Variants in ADAMTS15 observed in about 807,000 individuals in gnomAD.
The protein encoded by ADAMTS15 is ADAM metallopeptidase with thrombospondin type 1 motif 15, also known as A disintegrin and metalloproteinase with thrombospondin motifs 15.
In ADAMTS15, 35 loss-of-function variants were observed where a neutral mutation model predicts 79.1. The ratio of observed to expected loss-of-function variants is 0.44; its 90% CI spans 0.34 to 0.59. ADAMTS15 has a LOEUF of 0.59. Ranked by LOEUF, ADAMTS15 falls within the 20% of genes least tolerant of loss-of-function variation. The pLI, the probability that ADAMTS15 is intolerant of heterozygous loss-of-function variation, is 0.02. For synonymous variants in ADAMTS15, 616 were observed against 567.3 expected (o/e 1.09, Z -1.22); for missense variants, 1,324 against 1,318.7 (o/e 1.00, Z -0.06).
chr11:130,456,282 T>C (rs1258351000), intron 1 of ADAMTS15, among the ~76,000 whole-genome samples: 2 of 152,270 alleles, frequency 1.3e-5, no homozygotes, highest in African/African-American at 4.8e-5. Context: ...GGGTGATTTT[T>C]TTTTTATAGA....
At chr11:130,461,791 T>G (rs1324369392) in intron 2 of ADAMTS15, among the ~76,000 whole-genome samples, 170 bp downstream of exon 2, 1 of 152,164 alleles carries the variant, frequency 6.6e-6, no homozygotes. Context: ...CCAGCCCCGC[T>G]GGCCAATGAC....
Position 130,462,127 on chromosome 11 carries a change from TGAG to T in ADAMTS15, c.1136_1138del (p.Glu379del), listed in dbSNP as rs766965186. On this transcript the variant is annotated inframe_deletion, in exon 3 of 8. Coordinates refer to ENST00000299164, the MANE Select transcript of ADAMTS15 (RefSeq NM_139055.4). This position sits in a 1 kb window ranked among gnomAD's most constrained non-coding sequence, Gnocchi z 4.3. ...TGCCCCATGACAATGTGAAAGTCTGTGAGGAGGTGTTTGGGAAGCTCCGAGCCA... is the reference window on the plus strand; with the variant it reads ...TGCCCCATGACAATGTGAAAGTCTGTGAGGTGTTTGGGAAGCTCCGAGCCA... 6.2e-7 allele frequency: 1 copy of T among 1,613,988 alleles called. No homozygotes were observed. Among genetic ancestry groups the T allele is most frequent in the Non-Finnish European group, 8.5e-7 (1 of 1,179,986 alleles).
chr11:130,473,069 G>A lies in ADAMTS15; in HGVS notation c.2101G>A (p.Ala701Thr), dbSNP rs375221444. 7.4e-6 allele frequency: 12 copies of A among 1,613,480 alleles called. No individual in the cohort carries two copies. The African/African-American group carries it at 1.5e-4, about 20-fold the overall frequency. Residue 701 changes from alanine to threonine, a missense_variant, in exon 8 of 8, where the codon GCC (alanine) becomes ACC (threonine). Coordinates refer to ENST00000299164, the MANE Select transcript of ADAMTS15 (RefSeq NM_139055.4). ...CAGGCATGGCTACAATTTCGTGGTGGCCATCCCCGCAGGCGCCTCAAGCAT... is the reference window on the plus strand; with the variant it reads ...CAGGCATGGCTACAATTTCGTGGTGACCATCCCCGCAGGCGCCTCAAGCAT... ...KPMHGYNFVV[A>T]IPAGASSIDI...
chr11:130,465,873 C>CTT (rs71061391), intron 4 of ADAMTS15, among the ~76,000 whole-genome samples: 33 of 144,224 alleles, frequency 2.3e-4, no homozygotes, highest in African/African-American at 7.8e-4. Context: ...TCTTTTCTTT[C>CTT]TTTTTTTTTT....
chr11:130,459,933 A>G (rs1395007908), intron 1 of ADAMTS15, among the ~76,000 whole-genome samples: 1 of 152,212 alleles, frequency 6.6e-6, no homozygotes, highest in Non-Finnish European at 1.5e-5. Context: ...GTGGCCTTGC[A>G]TATACGTGCA....
rs1937905021 is a variant in ADAMTS15, at chr11:130,449,333, C to CG, written c.366dup (p.Leu123AlafsTer15). 7 of 1,608,734 alleles carry CG rather than the reference C, an allele frequency of 4.4e-6. No individual in the cohort carries two copies. The highest frequency in any genetic ancestry group is 1.7e-5 in the Admixed American group (1 of 60,004). ...ACTCGTTCGCTGCTGTGAGCCTGTG[C>CG]GGGGGGCTCCGCGGAGCCTTTGGCT... On this transcript the variant is annotated frameshift_variant, in exon 1 of 8. Coordinates refer to ENST00000299164, the MANE Select transcript of ADAMTS15 (RefSeq NM_139055.4). LOFTEE classifies it high-confidence loss of function. This position sits in a 1 kb window ranked among gnomAD's most constrained non-coding sequence, Gnocchi z 7.8.
chr11:130,471,091 T>G lies in ADAMTS15; in HGVS notation c.1892T>G (p.Leu631Arg). ...RANGTGYFYVLAPKVVDGTLC... is the reference protein window; with the variant it reads ...RANGTGYFYVRAPKVVDGTLC... The stretch of plus-strand genomic sequence containing the variant: ...AATGGCACTGGCTACTTCTATGTGC[T>G]GGCACCCAAGGTGAGTGAGCCTGGG... The change falls in exon 6 of 8, where the codon CTG (leucine) becomes CGG (arginine). Residue 631 changes from leucine to arginine, a missense_variant. Transcript: ENST00000299164. 2 of 1,613,464 alleles carry G rather than the reference T, an allele frequency of 1.2e-6. No homozygotes were observed. Among genetic ancestry groups the G allele is most frequent in the Non-Finnish European group, 1.7e-6 (2 of 1,179,688 alleles).
intron 1 of ADAMTS15, among the ~76,000 whole-genome samples, chr11:130,451,631 C>T (rs1398184613): frequency 6.6e-6 from 1 of 152,086 alleles, no homozygotes; most frequent in Non-Finnish European, 1.5e-5. Flanking sequence ...GCAGCTGTTG[C>T]CCCATTCGTT....
chr11:130,450,669 A>C (rs765260933), intron 1 of ADAMTS15, among the ~76,000 whole-genome samples: 4 of 152,122 alleles, frequency 2.6e-5, no homozygotes, highest in African/African-American at 4.8e-5. Flanking sequence ...TTTCAAGTGG[A>C]GTTTTACTTG....
At chr11:130,469,071 T>C (rs1453010805) in intron 4 of ADAMTS15, among the ~76,000 whole-genome samples, 191 bp from the exon 5 acceptor site, 2 of 151,968 alleles carry the variant, frequency 1.3e-5, no homozygotes, top group African/African-American at 4.8e-5. Flanking sequence ...CATTAGTTGG[T>C]TGGAATGTCG....
intron 5 of ADAMTS15, among the ~76,000 whole-genome samples, chr11:130,470,326 C>T (rs1164657320): frequency 1.3e-5 from 2 of 150,946 alleles, no homozygotes; most frequent in East Asian, 3.9e-4. Flanking sequence ...AAGCGATTCT[C>T]CCACCTCAGC....
Position 130,449,474 on chromosome 11 carries a change from C to G in ADAMTS15, c.501C>G (p.Ser167=), listed in dbSNP as rs200818431. 2 of 1,565,852 alleles carry G rather than the reference C, an allele frequency of 1.3e-6. No individual in the cohort carries two copies. ...LQRRGVPGGP[S]GDPTSRCGVA... ...GCCGGGGTGTTCCGGGCGGGCCTTC[C>G]GGAGACCCCACCTCTCGCTGCGGGG... Residue 167 remains serine, a synonymous_variant, in exon 1 of 8, where the codon TCC becomes TCG. Coordinates refer to ENST00000299164, the MANE Select transcript of ADAMTS15 (RefSeq NM_139055.4). This position sits in a 1 kb window ranked among gnomAD's most constrained non-coding sequence, Gnocchi z 7.8.
At position 130,449,819 on chromosome 11, in the gene ADAMTS15, C is replaced by A. The variant is rs772440958; in HGVS notation, c.846C>A (p.Thr282=). ...ATCGTGACTCCGGGCCCAAGGTCAC[C>A]GGCAATGCGGCCCTGACGCTGCGCA... The part of the protein sequence containing the change: ...LRDRDSGPKV[T]GNAALTLRNF... Residue 282 remains threonine (T), a synonymous_variant, in exon 1 of 8, where the codon ACC becomes ACA. Transcript: ENST00000299164. The surrounding 1 kb of genome is among the most constrained non-coding windows in gnomAD (Gnocchi z 7.8). 1 of 1,610,290 alleles carries A rather than the reference C, an allele frequency of 6.2e-7. No individual in the cohort carries two copies. Among genetic ancestry groups the A allele is most frequent in the South Asian group, 1.1e-5 (1 of 91,082 alleles).
intron 1 of ADAMTS15, among the ~76,000 whole-genome samples, chr11:130,460,075 A>G (rs1938168178): frequency 6.6e-6 from 1 of 152,216 alleles, no homozygotes. Context: ...TTAATACATC[A>G]TAGCCATGAT....
intron 7 of ADAMTS15, among the ~76,000 whole-genome samples, chr11:130,471,667 T>C (rs1938464072): frequency 6.6e-6 from 1 of 152,150 alleles, no homozygotes; most frequent in Non-Finnish European, 1.5e-5. Flanking sequence ...TGTTAGGGGC[T>C]GTATAGTGTT....
In ADAMTS15 at chr11:130,473,350, C is replaced by T; in HGVS notation, c.2382C>T (p.Val794=). Residue 794 remains valine (V), a synonymous_variant, in exon 8 of 8, where the codon GTC becomes GTT. Coordinates refer to ENST00000299164, the MANE Select transcript of ADAMTS15 (RefSeq NM_139055.4). The stretch of plus-strand genomic sequence containing the variant: ...TGGGGAAGATGACACCGCCCCGGGT[C>T]CGCTACTCCTTCTATCTGCCCAAAG... ...LSVGKMTPPR[V]RYSFYLPKEP... The T allele has an allele frequency of 6.2e-7, 1 of 1,612,912 alleles. No individual in the cohort carries two copies. Among genetic ancestry groups the T allele is most frequent in the Non-Finnish European group, 8.5e-7 (1 of 1,179,992 alleles).
intron 4 of ADAMTS15, 54 bp from the exon 5 acceptor site, chr11:130,469,208 G>A (rs1349445006): frequency 1.5e-6 from 2 of 1,353,176 alleles, no homozygotes; most frequent in Non-Finnish European, 1.9e-6. Context: ...TGGGCTGAGG[G>A]GCTGGGTGTG....
intron 1 of ADAMTS15, among the ~76,000 whole-genome samples, chr11:130,459,404 G>A (rs1443741346): frequency 6.6e-6 from 1 of 152,060 alleles, no homozygotes; most frequent in African/African-American, 2.4e-5. Context: ...AGACTTAAGC[G>A]ATCTGCCTGC....
chr11:130,466,568 C>T (rs544755754), intron 4 of ADAMTS15, among the ~76,000 whole-genome samples: 2 of 152,300 alleles, frequency 1.3e-5, no homozygotes, highest in South Asian at 2.1e-4. Context: ...GATCATTTCT[C>T]ACCACTTCAT....
Sources: allele counts gnomAD v4.1 joint callset (sites outside exome capture counted in the v4.1 genomes callset), GRCh38; gene constraint gnomAD v4.1.1; non-coding constraint Gnocchi (gnomAD v3.1); transcripts MANE v1.5; gene names NCBI Gene and HGNC (gene_info 2026-07-23, HGNC 2026-07-21).